Variants in MPRIP observed in about 807,000 individuals in gnomAD.
MPRIP encodes myosin phosphatase Rho interacting protein, also known as myosin phosphatase Rho-interacting protein.
Under a neutral mutation model 234.9 loss-of-function variants are expected in MPRIP, and 59 were observed. The observed-to-expected ratio is 0.25, with a 90% CI of 0.20 to 0.31. The LOEUF is 0.31. MPRIP is among the 10% of genes least tolerant of loss of function. MPRIP has a pLI of 1.00. For missense variants in MPRIP, 2,436 were observed against 3,071.0 expected (o/e 0.79, Z 4.89); for synonymous variants, 1,144 against 1,263.9 (o/e 0.91, Z 2.01).
In MPRIP at chr17:17,177,364, G is replaced by A; in HGVS notation, c.7072G>A (p.Glu2358Lys). 2 of 1,613,924 alleles carry A rather than the reference G, an allele frequency of 1.2e-6. No individual in the cohort carries two copies. Among genetic ancestry groups the A allele is most frequent in the Non-Finnish European group, 1.7e-6 (2 of 1,180,034 alleles). ...GAAGGAGCAGCTCAAGGCTGCAACG[G>A]AAGCACTGGGGGAGAAGTCCCCTGA... is the stretch of plus-strand genomic sequence containing the variant. ...RLKEQLKAATEALGEKSPDSA... is the reference protein window; with the variant it reads ...RLKEQLKAATKALGEKSPDSA... Residue 2358 changes from glutamate (E) to lysine (K), a missense_variant, in exon 22 of 24, where the codon GAA becomes AAA. Coordinates refer to ENST00000651222, the MANE Select transcript of MPRIP (RefSeq NM_001364716.4).
chr17:17,082,410 C>T (rs778738226), intron 3 of MPRIP, among the ~76,000 whole-genome samples: 7 of 150,394 alleles, frequency 4.7e-5, no homozygotes, highest in Non-Finnish European at 8.8e-5. Context: ...ATTATCCTGC[C>T]TCAGCCTCCG....
At position 17,136,247 on chromosome 17, in the gene MPRIP, CCAGCAGCAGCAG is replaced by C. The variant is rs3833098; in HGVS notation, c.557_568del (p.Ser186_Ser189del). ...CCTGGGCCTGCCAAGGTGGCTGTTA[CCAGCAGCAGCAG>C]CAGCAGCAGCAGCAGCAGCAGCATC... On this transcript the variant is annotated inframe_deletion, in exon 6 of 24. Coordinates refer to ENST00000651222, the MANE Select transcript of MPRIP (RefSeq NM_001364716.4). The C allele has an allele frequency of 1.6e-3, 2,554 of 1,555,896 alleles. 4 individuals are homozygous for C. Among genetic ancestry groups the C allele is most frequent in the African/African-American group, 7.2e-3 (527 of 73,222 alleles).
chr17:17,167,869 C>T lies in MPRIP; in HGVS notation c.6278C>T (p.Ala2093Val), dbSNP rs11868392. Reference protein sequence around the residue: ...ELGHKDLEGDAATLREKYQRD... With the variant: ...ELGHKDLEGDVATLREKYQRD... Reference sequence around the variant, plus strand: ...GGACACAAGGACCTGGAGGGCGACGCGGCCACACTGCGTGAGAAGTACCAG... The same window carrying T: ...GGACACAAGGACCTGGAGGGCGACGTGGCCACACTGCGTGAGAAGTACCAG... Residue 2093 changes from alanine (A) to valine (V), a missense_variant, in exon 16 of 24, where the codon GCG becomes GTG. Physicochemically the swap from Ala to Val is moderately conservative, Grantham distance 64 (BLOSUM62 0). Transcript: ENST00000651222. The surrounding 1 kb of genome is among the most constrained non-coding windows in gnomAD (Gnocchi z 5.9). 8,760 of 1,304,084 alleles carry T rather than the reference C, an allele frequency of 6.7e-3. 212 individuals are homozygous for T. The African/African-American group carries it at 0.069, about 10-fold the overall frequency. The allele number at this position is 1,304,084 out of a possible 1,614,324, so 80.8% of individuals were successfully genotyped here. A position where few individuals can be genotyped will look rare whatever the true frequency, so the allele number is the denominator to read the frequency against.
chr17:17,171,056 G>A (rs1259288055), intron 16 of MPRIP: 1 of 152,294 alleles, frequency 6.6e-6, no homozygotes, highest in East Asian at 1.9e-4. Context: ...AGGAAGGGGA[G>A]CCTGTAGCCT....
chr17:17,145,405 G>C (rs2045438386), intron 9 of MPRIP, among the ~76,000 whole-genome samples: 1 of 152,234 alleles, frequency 6.6e-6, no homozygotes, highest in African/African-American at 2.4e-5. Context: ...GCTGTCTCAG[G>C]CTGTTCCTCA....
At chr17:17,052,013 C>T (rs779623115) in intron 1 of MPRIP, among the ~76,000 whole-genome samples, 2 of 152,248 alleles carry the variant, frequency 1.3e-5, no homozygotes, top group Admixed American at 6.5e-5. Flanking sequence ...TGTCATAGCC[C>T]GTGATTTCAC....
intron 7 of MPRIP, 31 bp from the exon 8 acceptor site, chr17:17,142,585 TCACCTCACTGC>T (rs764706454): frequency 4.4e-6 from 7 of 1,604,270 alleles, no homozygotes; most frequent in South Asian, 2.2e-5. Flanking sequence ...ACCTCACAGC[TCACCTCACTGC>T]CACCTCAGGG....
chr17:17,166,527 G>A lies in MPRIP; in HGVS notation c.4936G>A (p.Ala1646Thr). 7.7e-7 allele frequency: 1 copy of A among 1,304,280 alleles called. No individual in the cohort carries two copies. Among genetic ancestry groups the A allele is most frequent in the Non-Finnish European group, 1.0e-6 (1 of 988,964 alleles). 80.8% of individuals were successfully genotyped at this position (1,304,280 alleles called of 1,614,324 possible). ...GACACTGGGAGGAGAGGCAGTCGGT[G>A]CCTCAGGAGACGGGCAGCAAAGCAT... ...LGTLGGEAVG[A>T]SGDGQQSIPQ... Residue 1646 changes from alanine to threonine, a missense_variant, in exon 16 of 24, where the codon GCC (alanine) becomes ACC (threonine). Physicochemically the swap from Ala to Thr is moderately conservative, Grantham distance 58. This residue lies in a region of MPRIP where 1,998 missense variants were observed against 2,520.3 expected (regional missense o/e 0.79). Coordinates refer to ENST00000651222, the MANE Select transcript of MPRIP (RefSeq NM_001364716.4). The surrounding 1 kb of genome is among the most constrained non-coding windows in gnomAD (Gnocchi z 4.4).
In MPRIP at chr17:17,165,793, C is replaced by G. The variant is rs1484850942; in HGVS notation, c.4202C>G (p.Thr1401Ser). The G allele has an allele frequency of 1.5e-6, 2 of 1,304,290 alleles. No homozygotes were observed. The highest frequency in any genetic ancestry group is 2.0e-6 in the Non-Finnish European group (2 of 988,882). The allele number at this position is 1,304,290 out of a possible 1,614,324, so 80.8% of individuals were successfully genotyped here. The change falls in exon 16 of 24, where the codon ACC becomes AGC. Residue 1401 changes from threonine (T) to serine (S), a missense_variant. By Grantham distance (58) the Thr-to-Ser change is moderately conservative. Transcript: ENST00000651222. ...ACAGAGGAAAAGCTCAAAGACGTGA[C>G]CGTGAGGCTGGAGAGCCAGCAGGGT... ...YVTEEKLKDVTVRLESQQGQS... is the reference protein window; with the variant it reads ...YVTEEKLKDVSVRLESQQGQS...
At chr17:17,051,924 C>G (rs1298805133) in intron 1 of MPRIP, among the ~76,000 whole-genome samples, 3 of 152,238 alleles carry the variant, frequency 2.0e-5, no homozygotes, top group Non-Finnish European at 2.9e-5. Context: ...AGAGGTGGCC[C>G]TGGTGTCAGA....
At chr17:17,123,721 A>AG (rs975768711) in intron 3 of MPRIP, among the ~76,000 whole-genome samples, 11 of 150,782 alleles carry the variant, frequency 7.3e-5, no homozygotes, top group Admixed American at 4.6e-4. Context: ...AAAAAAAAAA[A>AG]AAAGAAAGAA....
At chr17:17,071,953 G>A (rs1168768668) in intron 1 of MPRIP, among the ~76,000 whole-genome samples, 2 of 152,082 alleles carry the variant, frequency 1.3e-5, no homozygotes, top group East Asian at 3.9e-4. Flanking sequence ...AAACAGCAAA[G>A]CTAAGCCTAC....
Position 17,164,319 on chromosome 17 carries a change from G to A in MPRIP, c.2728G>A (p.Ala910Thr). 1.5e-6 allele frequency: 2 copies of A among 1,303,682 alleles called. No homozygotes were observed. Among genetic ancestry groups the A allele is most frequent in the Non-Finnish European group, 2.0e-6 (2 of 988,952 alleles). 80.8% of individuals were successfully genotyped at this position (1,303,682 alleles called of 1,614,324 possible). Residue 910 changes from alanine to threonine, a missense_variant, in exon 16 of 24, where the codon GCC becomes ACC. Ala to Thr is a moderately conservative substitution (Grantham distance 58, BLOSUM62 0). Around this residue, in one of 4 missense-constraint regions of MPRIP, gnomAD observed 1,998 missense variants for 2,520.3 expected, o/e 0.79. Coordinates refer to ENST00000651222, the MANE Select transcript of MPRIP (RefSeq NM_001364716.4). ...RSLQARLSNA[A>T]AELAIKEQAL... ...CCTTCAGGCACGGCTCAGCAATGCG[G>A]CCGCTGAGCTAGCCATCAAGGAGCA...
chr17:17,075,637 TG>T (rs2089310608), intron 1 of MPRIP, 72 bp from the exon 2 acceptor site: 1 of 1,283,146 alleles, frequency 7.8e-7, no homozygotes, highest in Admixed American at 1.7e-5. Context: ...AGCGAGTGCT[TG>T]CTGTTAACTT....
At position 17,076,846 on chromosome 17, in the gene MPRIP, A is replaced by T. The variant is rs148037789; in HGVS notation, c.201+1059A>T. Among the ~76,000 whole-genome samples, 90 of 152,074 alleles carry T rather than the reference A, an allele frequency of 5.9e-4. No homozygotes were observed. In the East Asian group the frequency reaches 0.015, roughly 25 times the overall value. On this transcript the variant is annotated intron_variant, in intron 2 of 23. Transcript: ENST00000651222. ...TGACAGGAGTCTTTTTATAAATGAT[A>T]ACCCTGGCCCAAAGCAGAGAGATGT...
chr17:17,167,295 T>C lies in MPRIP; in HGVS notation c.5704T>C (p.Tyr1902His). ...EELLRKQKSE[Y>H]LDVIAIVERE... ...GCTTCTCCGCAAGCAGAAGAGCGAGTACCTGGATGTGATCGCCATTGTTGA... is the reference window on the plus strand; with the variant it reads ...GCTTCTCCGCAAGCAGAAGAGCGAGCACCTGGATGTGATCGCCATTGTTGA... The change falls in exon 16 of 24, where the codon TAC (tyrosine) becomes CAC (histidine). Residue 1902 changes from tyrosine to histidine, a missense_variant. Transcript: ENST00000651222. This position sits in a 1 kb window ranked among gnomAD's most constrained non-coding sequence, Gnocchi z 5.9. 1 of 1,303,504 alleles carries C rather than the reference T, an allele frequency of 7.7e-7. No homozygotes were observed. The highest frequency in any genetic ancestry group is 1.0e-6 in the Non-Finnish European group (1 of 988,872). The allele number at this position is 1,303,504 out of a possible 1,614,324, so 80.7% of individuals were successfully genotyped here.
chr17:17,052,240 C>T (rs773131476), intron 1 of MPRIP, among the ~76,000 whole-genome samples: 2 of 152,214 alleles, frequency 1.3e-5, no homozygotes, highest in Non-Finnish European at 2.9e-5. Context: ...CTCATCCTCC[C>T]TGTCCTTGGG....
chr17:17,083,518 T>A (rs896869529), intron 3 of MPRIP, among the ~76,000 whole-genome samples: 2 of 152,196 alleles, frequency 1.3e-5, no homozygotes, highest in Admixed American at 1.3e-4. Flanking sequence ...CAACGTTGCC[T>A]AGGCCTGTGA....
chr17:17,063,166 G>T (rs2088918198), intron 1 of MPRIP, among the ~76,000 whole-genome samples: 2 of 152,242 alleles, frequency 1.3e-5, no homozygotes, highest in Non-Finnish European at 2.9e-5. Flanking sequence ...AGCCTGGCTT[G>T]CCCAGGTCTT....
Sources: allele counts gnomAD v4.1 joint callset (sites outside exome capture counted in the v4.1 genomes callset), GRCh38; gene constraint gnomAD v4.1.1; regional missense constraint gnomAD v4.1.1; non-coding constraint Gnocchi (gnomAD v3.1); transcripts MANE v1.5; gene names NCBI Gene and HGNC (gene_info 2026-07-23, HGNC 2026-07-21).